The following FAT1 variants were observed in gnomAD, a reference collection of about 807,000 sequenced individuals.
FAT1 encodes the protein protocadherin Fat 1.
In FAT1, 171 loss-of-function variants were observed where a neutral mutation model predicts 329.8. That is an observed-to-expected ratio of 0.52 (90% CI 0.46 to 0.59). The LOEUF is 0.59. Ranked by LOEUF, FAT1 falls within the 20% of genes least tolerant of loss-of-function variation. FAT1 has a pLI of 0.00. For missense variants in FAT1, 5,672 were observed against 5,774.4 expected (o/e 0.98, Z 0.57); for synonymous variants, 2,233 against 2,228.6 (o/e 1.00, Z -0.06).
chr4:186,619,209 T>C lies in FAT1; in HGVS notation c.7377A>G (p.Pro2459=). 6.2e-7 allele frequency: 1 copy of C among 1,614,000 alleles called. No homozygotes were observed. Among genetic ancestry groups the C allele is most frequent in the Non-Finnish European group, 8.5e-7 (1 of 1,179,908 alleles). The change falls in exon 10 of 27, where the codon CCA becomes CCG. Residue 2459 remains proline (P), a synonymous_variant. Transcript: ENST00000441802. ...LSNLHRHALK[P]FYSLNLSVSD... is the part of the protein sequence containing the mutation. ...ACACTGACAGGTTAAGACTGTAAAATGGCTTCAGGGCGTGCCGGTGCAGGT... is the reference window on the plus strand; with the variant it reads ...ACACTGACAGGTTAAGACTGTAAAACGGCTTCAGGGCGTGCCGGTGCAGGT...
At chr4:186,724,183 TAAAAAAAAAAA>T (rs59026469), upstream of FAT1, among the ~76,000 whole-genome samples, 23 of 71,328 alleles carry the variant, frequency 3.2e-4, no homozygotes, top group African/African-American at 1.4e-3. The surrounding 1 kb of genome is among the most constrained non-coding windows in gnomAD (Gnocchi z 5.3). Context: ...TTAGCTTAGC[TAAAAAAAAAAA>T]AAAAAAAAAA....
intron 26 of FAT1, among the ~76,000 whole-genome samples, chr4:186,591,105 C>T (rs538326700): frequency 1.3e-5 from 2 of 152,322 alleles, no homozygotes; most frequent in South Asian, 4.1e-4. Flanking sequence ...GGCCATGAGA[C>T]GCCTGCCCAG....
intron 2 of FAT1, among the ~76,000 whole-genome samples, chr4:186,663,841 C>T (rs896214366): frequency 1.3e-5 from 2 of 152,146 alleles, no homozygotes; most frequent in Non-Finnish European, 2.9e-5. Context: ...ACACTTGGCA[C>T]ATAATATAGG....
At chr4:186,590,805 C>T (rs1738205188) in intron 26 of FAT1, 2 of 387,448 alleles carry the variant, frequency 5.2e-6, no homozygotes, top group African/African-American at 2.1e-5. Flanking sequence ...TCTACAGCTA[C>T]ATAATGCACA....
At chr4:186,638,958 C>T (rs1349389211) in intron 4 of FAT1, among the ~76,000 whole-genome samples, 2 of 149,682 alleles carry the variant, frequency 1.3e-5, no homozygotes, top group African/African-American at 5.1e-5. Flanking sequence ...CCTGACGACA[C>T]GGCCCAGAGA....
At chr4:186,595,440 C>T (rs753569843) in intron 26 of FAT1, among the ~76,000 whole-genome samples, 4 of 152,058 alleles carry the variant, frequency 2.6e-5, no homozygotes, top group South Asian at 2.1e-4. Flanking sequence ...TAAGATTAGT[C>T]GATCAGATCC....
In FAT1 at chr4:186,707,175, G is replaced by C. The variant is rs775654640; in HGVS notation, c.2653C>G (p.Arg885Gly). 19 of 1,613,762 alleles carry C rather than the reference G, an allele frequency of 1.2e-5. No homozygotes were observed. The highest frequency in any genetic ancestry group is 1.6e-5 in the Non-Finnish European group (19 of 1,179,864). ...GVVNIARPLD[R>G]ELQHEHSLKI... ...AAGGAGTGCTCATGCTGCAGCTCTC[G>C]ATCCAGAGGGCGTGCGATGTTAACA... is the stretch of plus-strand genomic sequence containing the variant. The change falls in exon 2 of 27, where the codon CGA becomes GGA. Residue 885 changes from arginine to glycine, a missense_variant. This residue lies in a region of FAT1 where 3,966 missense variants were observed against 3,915.2 expected (regional missense o/e 1.01). Transcript: ENST00000441802.
At chr4:186,679,202 T>C (rs999688472) in intron 2 of FAT1, among the ~76,000 whole-genome samples, 2 of 151,378 alleles carry the variant, frequency 1.3e-5, no homozygotes, top group African/African-American at 4.9e-5. Flanking sequence ...AACACAGAAA[T>C]ACAAAAACAC....
intron 2 of FAT1, among the ~76,000 whole-genome samples, chr4:186,680,070 T>C (rs1417710483): frequency 6.6e-6 from 1 of 152,180 alleles, no homozygotes; most frequent in Non-Finnish European, 1.5e-5. Flanking sequence ...AACAGGGAAA[T>C]ATCCCAAATA....
At chr4:186,720,497 C>G (rs1745419131) in intron 1 of FAT1, among the ~76,000 whole-genome samples, 2 of 152,220 alleles carry the variant, frequency 1.3e-5, no homozygotes, top group South Asian at 4.1e-4. Context: ...TTGCTTTGCA[C>G]ACATCATTTC....
intron 2 of FAT1, among the ~76,000 whole-genome samples, chr4:186,699,470 A>G (rs1415155179): frequency 6.6e-6 from 1 of 152,204 alleles, no homozygotes; most frequent in Non-Finnish European, 1.5e-5. Flanking sequence ...AAGTTAATTG[A>G]TAAGACTGGC....
rs139355132 is a variant in FAT1 at position 186,688,939 on chromosome 4, G to A, written c.3265+17624C>T. Among the ~76,000 whole-genome samples the A allele has an allele frequency of 4.0e-3, 612 of 152,152 alleles. 3 individuals are homozygous for A. The highest frequency in any genetic ancestry group is 0.014 in the African/African-American group (568 of 41,488). On this transcript the variant is annotated intron_variant, in intron 2 of 26. Transcript: ENST00000441802. ...GCATGCAGATCCCAAAATTTACATG[G>A]AAAATTCCATAAACCTGAAAATGAC...
chr4:186,711,216 TA>T (rs1744934646), intron 1 of FAT1, among the ~76,000 whole-genome samples: 1 of 152,126 alleles, frequency 6.6e-6, no homozygotes, highest in Non-Finnish European at 1.5e-5. Flanking sequence ...GTCATTGCCT[TA>T]GGGGGAAAAA....
intron 16 of FAT1, among the ~76,000 whole-genome samples, chr4:186,606,631 G>A (rs1236627434): frequency 2.6e-5 from 4 of 152,128 alleles, no homozygotes; most frequent in Admixed American, 6.5e-5. Flanking sequence ...GACATGAGCT[G>A]CCTCCCGCAC....
rs771750225 is a variant in FAT1 at position 186,633,813 on chromosome 4, G to A, written c.4194C>T (p.Tyr1398=). Residue 1398 remains tyrosine (Y), a synonymous_variant, in exon 7 of 27, where the codon TAC becomes TAT. Transcript: ENST00000441802. ...CCTTGTCCACATCGAAGTGACTGTC[G>A]TAGTTGCCACCTAATTTGGGGAAAA... ...PLWFDITGGN[Y]DSHFDVDKGT... The A allele has an allele frequency of 1.6e-5, 26 of 1,613,792 alleles. No homozygotes were observed. Among genetic ancestry groups the A allele is most frequent in the Middle Eastern group, 3.3e-4 (2 of 6,084 alleles).
intron 2 of FAT1, among the ~76,000 whole-genome samples, chr4:186,669,157 T>C (rs1028325515): frequency 1.7e-4 from 26 of 152,182 alleles, no homozygotes; most frequent in African/African-American, 6.0e-4. Context: ...CCCCTCCTTC[T>C]ACCTTTCTGA....
intron 2 of FAT1, among the ~76,000 whole-genome samples, chr4:186,691,308 C>G (rs1057145851): frequency 2.0e-5 from 3 of 152,114 alleles, no homozygotes; most frequent in African/African-American, 7.2e-5. Context: ...ATCTCTAACA[C>G]CAAAAGAAAC....
Position 186,621,769 on chromosome 4 carries a change from A to G in FAT1, c.4817T>C (p.Ile1606Thr), listed in dbSNP as rs1304611761. The part of the protein sequence containing the change: ...EVLYSIESGN[I>T]GNSFMIDPVL... The stretch of plus-strand genomic sequence containing the variant: ...AGGATCAATCATAAAAGAATTTCCA[A>G]TATTTCCTGGAAGGAGAGGAAAAAA... Residue 1606 changes from isoleucine (I) to threonine (T), a missense_variant, in exon 10 of 27, where the codon ATT becomes ACT. Physicochemically the swap from Ile to Thr is moderately conservative, Grantham distance 89 (BLOSUM62 -1). Coordinates refer to ENST00000441802, the MANE Select transcript of FAT1 (RefSeq NM_005245.4). The G allele has an allele frequency of 3.2e-6, 5 of 1,557,472 alleles. No homozygotes were observed. The highest frequency in any genetic ancestry group is 4.5e-5 in the East Asian group (2 of 44,250).
At chr4:186,699,614 AAGAC>A (rs1468067895) in intron 2 of FAT1, among the ~76,000 whole-genome samples, 1 of 152,212 alleles carries the variant, frequency 6.6e-6, no homozygotes, top group Non-Finnish European at 1.5e-5. Context: ...CCTAGTAACA[AAGAC>A]AGAAAAGATT....
Sources: gnomAD v4.1 joint callset for allele counts (sites outside exome capture counted in the v4.1 genomes callset) on GRCh38, gnomAD v4.1.1 for gene constraint, gnomAD v4.1.1 regional missense constraint, Gnocchi (gnomAD v3.1) non-coding constraint, MANE v1.5 for transcripts, NCBI Gene and HGNC (gene_info 2026-07-23, HGNC 2026-07-21) for gene names.